Variants in POLR2M observed in about 807,000 individuals in gnomAD.
The protein encoded by POLR2M is RNA polymerase II subunit M, also known as protein GRINL1A.
In POLR2M, 30 loss-of-function variants were observed where a neutral mutation model predicts 34.6. The ratio of observed to expected loss-of-function variants is 0.87; its 90% CI spans 0.65 to 1.18. The LOEUF is 1.18. Ranked by LOEUF, POLR2M falls within the 50% of genes most tolerant of loss-of-function variation. The pLI is 0.00. For synonymous variants in POLR2M, 150 were observed against 166.7 expected, an observed-to-expected ratio of 0.90 and a Z score of 0.77; for missense variants, 432 against 448.7, an observed-to-expected ratio of 0.96 and a Z score of 0.34.
rs780235601 is a variant in POLR2M, at chr15:57,709,324, C to G, written c.724C>G (p.Pro242Ala). 4 of 1,613,898 alleles carry G rather than the reference C, an allele frequency of 2.5e-6. No homozygotes were observed. The highest frequency in any genetic ancestry group is 2.2e-5 in the East Asian group (1 of 44,878). The change falls in exon 2 of 4, where the codon CCA (proline) becomes GCA (alanine). Residue 242 changes from proline (P) to alanine (A), a missense_variant. Pro to Ala is a conservative substitution (Grantham distance 27). Coordinates refer to ENST00000299638, the MANE Select transcript of POLR2M (RefSeq NM_015532.5). ...AGTGCTAGAAATGCGAGCCAAAAAC[C>G]CAGTGCCCCAGCTGCGTAAATTTAA... ...MEVLEMRAKNPVPQLRKFKTN... is the reference protein window; with the variant it reads ...MEVLEMRAKNAVPQLRKFKTN...
Position 57,717,316 on chromosome 15 carries a change from G to C in POLR2M, c.*2637G>C, listed in dbSNP as rs2040985335. 1 of 152,108 alleles carries C rather than the reference G, an allele frequency of 6.6e-6. No homozygotes were observed. Among genetic ancestry groups the C allele is most frequent in the South Asian group, 2.1e-4 (1 of 4,826 alleles). 9.4% of individuals were successfully genotyped at this position (152,108 alleles called of 1,614,324 possible). Reference sequence around the variant, plus strand: ...AACTTACAAATAAGTACTTAAAACAGAGCTTAATGGGTAAAGCAACAGCTG... The same window carrying C: ...AACTTACAAATAAGTACTTAAAACACAGCTTAATGGGTAAAGCAACAGCTG... On this transcript the variant is annotated 3_prime_UTR_variant, in exon 4 of 4. Transcript: ENST00000299638.
chr15:57,709,133 C>G lies in POLR2M; in HGVS notation c.533C>G (p.Ser178Ter). The part of the protein sequence containing the change: ...ASEHHPRHRV[S>*]SQAEDTSSSF... Reference sequence around the variant, plus strand: ...GAGCATCACCCGCGGCATCGTGTTTCAAGTCAAGCGGAAGATACTTCCAGC... The same window carrying G: ...GAGCATCACCCGCGGCATCGTGTTTGAAGTCAAGCGGAAGATACTTCCAGC... Residue 178 changes from serine (S) to a stop codon, truncating the protein, a stop_gained, in exon 2 of 4, where the codon TCA becomes TGA. Coordinates refer to ENST00000299638, the MANE Select transcript of POLR2M (RefSeq NM_015532.5). LOFTEE classifies it high-confidence loss of function. 1 of 1,614,212 alleles carries G rather than the reference C, an allele frequency of 6.2e-7. No individual in the cohort carries two copies. Among genetic ancestry groups the G allele is most frequent in the Non-Finnish European group, 8.5e-7 (1 of 1,180,042 alleles).
Position 57,714,711 on chromosome 15 carries a change from G to A in POLR2M, c.*32G>A. 2 of 1,602,830 alleles carry A rather than the reference G, an allele frequency of 1.2e-6. No homozygotes were observed. The highest frequency in any genetic ancestry group is 8.5e-7 in the Non-Finnish European group (1 of 1,174,920). The stretch of plus-strand genomic sequence containing the variant: ...TCTCCTAAATCACTGACGTTGAGAT[G>A]TCATCATCTTACATCAGACTTTCTA... On this transcript the variant is annotated 3_prime_UTR_variant, in exon 4 of 4. Coordinates refer to ENST00000299638, the MANE Select transcript of POLR2M (RefSeq NM_015532.5).
Sources: allele counts gnomAD v4.1 joint callset, GRCh38; gene constraint gnomAD v4.1.1; transcripts MANE v1.5; gene names NCBI Gene and HGNC (gene_info 2026-07-23, HGNC 2026-07-21).